SMOC2: variants seen among roughly 807,000 people sequenced by gnomAD.
The protein encoded by SMOC2 is SPARC-related modular calcium-binding protein 2.
A neutral mutation model predicts 61.4 loss-of-function variants in SMOC2; 39 were observed. The ratio of observed to expected loss-of-function variants is 0.64; its 90% CI spans 0.49 to 0.83. The LOEUF (loss-of-function observed/expected upper bound fraction) is 0.83, where lower values mean the gene tolerates loss of function less well. Among genes scored for constraint, SMOC2 ranks in the 40% least tolerant of loss-of-function variants. The pLI is 0.00. For missense variants in SMOC2, 556 were observed against 592.9 expected (o/e 0.94, Z 0.65); for synonymous variants, 247 against 239.9 (o/e 1.03, Z -0.27).
intron 2 of SMOC2, among the ~76,000 whole-genome samples, chr6:168,513,182 G>T (rs1783049264): frequency 6.6e-6 from 1 of 152,160 alleles, no homozygotes; most frequent in African/African-American, 2.4e-5. Flanking sequence ...TGGTGGTAGG[G>T]AAAATAGAAT....
Position 168,547,139 on chromosome 6 carries a change from TTGGAGAC to T in SMOC2, c.534_540del (p.Leu178PhefsTer57), listed in dbSNP as rs1278922999. The T allele has an allele frequency of 6.2e-7, 1 of 1,613,938 alleles. No homozygotes were observed. Among genetic ancestry groups the T allele is most frequent in the African/African-American group, 1.3e-5 (1 of 74,900 alleles). ...TTCAGATGATGCCGCAGCTCCAGCG[TTGGAGAC>T]TCAGCCTCAAGGAGATGAAGAAGGT... On this transcript the variant is annotated frameshift_variant, in exon 6 of 13. Transcript: ENST00000356284. LOFTEE classifies it high-confidence loss of function.
Position 168,461,908 on chromosome 6 carries a change from A to G in SMOC2, c.84+20454A>G, listed in dbSNP as rs1174909324. ...ATTTTAAGTCAAGGATACGATGTGCATCACTAGGCTCACGTGGCAATGGGA... is the reference window on the plus strand; with the variant it reads ...ATTTTAAGTCAAGGATACGATGTGCGTCACTAGGCTCACGTGGCAATGGGA... On this transcript the variant is annotated intron_variant, in intron 1 of 12. Coordinates refer to ENST00000356284, the MANE Select transcript of SMOC2 (RefSeq NM_001166412.2). Among the ~76,000 whole-genome samples, 6 of 152,230 alleles carry G rather than the reference A, an allele frequency of 3.9e-5. 1 individual carries two copies. The highest frequency in any genetic ancestry group is 4.1e-4 in the South Asian group (2 of 4,830).
At chr6:168,442,345 G>C (rs1300490013) in intron 1 of SMOC2, among the ~76,000 whole-genome samples, 1 of 152,234 alleles carries the variant, frequency 6.6e-6, no homozygotes. Context: ...GGTGTCAAAC[G>C]AGGAGCTATG....
chr6:168,471,984 C>G (rs1466329596), intron 1 of SMOC2, among the ~76,000 whole-genome samples: 1 of 152,196 alleles, frequency 6.6e-6, no homozygotes, highest in Non-Finnish European at 1.5e-5. Flanking sequence ...AGTATTTTCT[C>G]CCACTCCGTG....
intron 1 of SMOC2, among the ~76,000 whole-genome samples, chr6:168,480,094 C>T (rs1409941272): frequency 6.6e-6 from 1 of 152,026 alleles, no homozygotes; most frequent in African/African-American, 2.4e-5. Flanking sequence ...AAAATATATA[C>T]ATATATTTTA....
At position 168,598,961 on chromosome 6, in the gene SMOC2, G is replaced by T; in HGVS notation, c.781G>T (p.Val261Phe). The change falls in exon 8 of 13, where the codon GTC (valine) becomes TTC (phenylalanine). Residue 261 changes from valine (V) to phenylalanine (F), a missense_variant. Transcript: ENST00000356284. Reference protein sequence around the residue: ...CHPSTGYCWCVLVDTGRPIPG... With the variant: ...CHPSTGYCWCFLVDTGRPIPG... Reference sequence around the variant, plus strand: ...CCCCTCCACGGGGTACTGCTGGTGCGTCCTGGTGGACACGGGGCGCCCCAT... The same window carrying T: ...CCCCTCCACGGGGTACTGCTGGTGCTTCCTGGTGGACACGGGGCGCCCCAT... 1 of 1,613,076 alleles carries T rather than the reference G, an allele frequency of 6.2e-7. No homozygotes were observed. Among genetic ancestry groups the T allele is most frequent in the Non-Finnish European group, 8.5e-7 (1 of 1,179,414 alleles).
chr6:168,576,135 G>C lies in SMOC2; in HGVS notation c.638-22683G>C, dbSNP rs545171531. On this transcript the variant is annotated intron_variant, in intron 7 of 12. Transcript: ENST00000356284. ...AGCGGTGAAGACTGGGTGAGGCCAT[G>C]CTGGGCAGGTGCACCAGTCAGCCCT... Among the ~76,000 whole-genome samples, 30 of 152,258 alleles carry C rather than the reference G, an allele frequency of 2.0e-4. 2 individuals carry two copies. The highest frequency in any genetic ancestry group is 6.7e-4 in the African/African-American group (28 of 41,482).
chr6:168,575,164 C>G (rs1431778784), intron 7 of SMOC2, among the ~76,000 whole-genome samples: 1 of 152,164 alleles, frequency 6.6e-6, no homozygotes, highest in East Asian at 1.9e-4. Flanking sequence ...ACACCCCTCC[C>G]AGTGTTAATT....
intron 8 of SMOC2, among the ~76,000 whole-genome samples, chr6:168,606,732 A>G (rs1785704079): frequency 1.3e-5 from 2 of 152,156 alleles, no homozygotes. Context: ...TGGCCTCCTG[A>G]CAACCTCAGG....
intron 1 of SMOC2, among the ~76,000 whole-genome samples, chr6:168,492,959 A>G (rs1782503193): frequency 6.6e-6 from 1 of 152,198 alleles, no homozygotes; most frequent in South Asian, 2.1e-4. Context: ...CTCTCCATAC[A>G]TTGTGAAGGT....
chr6:168,473,481 C>A (rs1782013850), intron 1 of SMOC2, among the ~76,000 whole-genome samples: 1 of 152,188 alleles, frequency 6.6e-6, no homozygotes, highest in Non-Finnish European at 1.5e-5. Context: ...CTGTTACCTT[C>A]TCTCACTTCC....
chr6:168,639,035 G>A (rs910530387), intron 9 of SMOC2, among the ~76,000 whole-genome samples: 5 of 152,136 alleles, frequency 3.3e-5, no homozygotes, highest in Non-Finnish European at 7.3e-5. Context: ...ATGGAAAAAA[G>A]CAAATTTAAA....
intron 4 of SMOC2, among the ~76,000 whole-genome samples, chr6:168,537,040 C>T (rs539289269): frequency 2.0e-5 from 3 of 152,344 alleles, no homozygotes; most frequent in South Asian, 2.1e-4. Context: ...GAGACAAGCC[C>T]GTGGTCACCT....
chr6:168,659,718 GT>G (rs1787446857), intron 11 of SMOC2, among the ~76,000 whole-genome samples: 32 of 51,596 alleles, frequency 6.2e-4, no homozygotes, highest in Admixed American at 1.1e-3. Flanking sequence ...TGTAGGCTGA[GT>G]GAGGGTGGAG....
chr6:168,617,110 C>T (rs996085622), intron 9 of SMOC2, among the ~76,000 whole-genome samples: 1 of 152,154 alleles, frequency 6.6e-6, no homozygotes, highest in Non-Finnish European at 1.5e-5. Context: ...GATTTTATTA[C>T]AATATTTCTT....
At chr6:168,614,653 A>G (rs879749373) in intron 9 of SMOC2, among the ~76,000 whole-genome samples, 5,999 of 30,074 alleles carry the variant, frequency 0.2, 3 homozygotes, top group Admixed American at 0.22. Flanking sequence ...ACCTACAGCC[A>G]GCACAGGGCC....
At chr6:168,511,811 G>GTT (rs144317852) in intron 2 of SMOC2, among the ~76,000 whole-genome samples, 14,457 of 130,580 alleles carry the variant, frequency 0.11, 1,300 homozygotes, top group South Asian at 0.23. Flanking sequence ...ATTATCAAGG[G>GTT]TTGTTTTTTT....
At chr6:168,501,648 A>G (rs1201139761) in intron 1 of SMOC2, among the ~76,000 whole-genome samples, 1 of 152,246 alleles carries the variant, frequency 6.6e-6, no homozygotes, top group Admixed American at 6.5e-5. Context: ...ACTTATAAAA[A>G]GTTCCAGGTC....
chr6:168,464,360 T>C (rs1042766381), intron 1 of SMOC2, among the ~76,000 whole-genome samples: 5 of 152,034 alleles, frequency 3.3e-5, no homozygotes, highest in Admixed American at 6.6e-5. Context: ...GAGACTGGCT[T>C]TTGGATGACG....
Sources: gnomAD v4.1 joint callset for allele counts (sites outside exome capture counted in the v4.1 genomes callset) on GRCh38, gnomAD v4.1.1 for gene constraint, MANE v1.5 for transcripts, NCBI Gene and HGNC (gene_info 2026-07-23, HGNC 2026-07-21) for gene names.